DTWD2: variants seen among roughly 807,000 people sequenced by gnomAD.
DTWD2 encodes DTW motif tRNA-uridine aminocarboxypropyltransferase 2.
Under a neutral mutation model 31.8 loss-of-function variants are expected in DTWD2, and 39 were observed. The ratio of observed to expected loss-of-function variants is 1.22; its 90% CI spans 0.95 to 1.60. DTWD2 has a LOEUF of 1.60. DTWD2 is among the 40% of genes most tolerant of loss of function. The pLI, the probability that DTWD2 is intolerant of heterozygous loss-of-function variation, is 0.00. For synonymous variants in DTWD2, 180 were observed against 142.8 expected, an observed-to-expected ratio of 1.26 and a Z score of -1.86; for missense variants, 515 against 381.5, an observed-to-expected ratio of 1.35 and a Z score of -2.92.
chr5:118,885,153 T>TAAA (rs1554064416), intron 4 of DTWD2, among the ~76,000 whole-genome samples: 1 of 132,580 alleles, frequency 7.5e-6, no homozygotes. Context: ...TACAAAAAAT[T>TAAA]AAAAAAAAAA....
intron 2 of DTWD2, among the ~76,000 whole-genome samples, chr5:118,943,220 G>C (rs1462277346): frequency 6.6e-5 from 10 of 152,156 alleles, no homozygotes; most frequent in Admixed American, 5.9e-4. Context: ...TGACCAAATT[G>C]TCATAATCCT....
chr5:118,988,182 C>T, intron 1 of DTWD2, 112 bp downstream of exon 1: 1 of 1,350,302 alleles, frequency 7.4e-7, no homozygotes, highest in Non-Finnish European at 1.0e-6. Flanking sequence ...CCGCCAACTC[C>T]GCCGCCCTAA....
rs993853078 is a variant in DTWD2, at chr5:118,846,530, C to T, written c.726+1560G>A. ...TCAAAATTTGAACTTTCAATGGGTCCTTGTTTGGTCTGATGTTGTCTGATC... is the reference window on the plus strand; with the variant it reads ...TCAAAATTTGAACTTTCAATGGGTCTTTGTTTGGTCTGATGTTGTCTGATC... On this transcript the variant is annotated intron_variant, in intron 5 of 5. Transcript: ENST00000510708. 2.6e-5 allele frequency among the ~76,000 whole-genome samples: 4 copies of T among 152,066 alleles called. No homozygotes were observed. The East Asian group carries it at 7.7e-4, about 29-fold the overall frequency.
intron 1 of DTWD2, among the ~76,000 whole-genome samples, chr5:118,945,675 G>A (rs1754318290): frequency 6.6e-6 from 1 of 151,610 alleles, no homozygotes; most frequent in Non-Finnish European, 1.5e-5. Flanking sequence ...TGAGGTAGGA[G>A]AGTTGCTTGA....
rs1751649166 is a variant in DTWD2 at position 118,839,177 on chromosome 5, TA to T, written c.*1739del. On this transcript the variant is annotated 3_prime_UTR_variant, in exon 6 of 6. Transcript: ENST00000510708. ...ATTCCATCTCAAATAATAATAATAA[TA>T]ATAATAATGACTAAAAGAAACTCAT... 1 of 151,590 alleles carries T rather than the reference TA, an allele frequency of 6.6e-6. No homozygotes were observed. The highest frequency in any genetic ancestry group is 2.4e-5 in the African/African-American group (1 of 41,224). 9.4% of individuals were successfully genotyped at this position (151,590 alleles called of 1,614,324 possible).
chr5:118,837,289 T>C lies in DTWD2; in HGVS notation c.*3628A>G, dbSNP rs774169349. 5.9e-5 allele frequency: 9 copies of C among 152,188 alleles called. No homozygotes were observed. The highest frequency in any genetic ancestry group is 7.2e-5 in the African/African-American group (3 of 41,456). 9.4% of individuals were successfully genotyped at this position (152,188 alleles called of 1,614,324 possible). On this transcript the variant is annotated 3_prime_UTR_variant, in exon 6 of 6. Coordinates refer to ENST00000510708, the MANE Select transcript of DTWD2 (RefSeq NM_173666.4). ...ATTCATTCTACAAAAAGCCTACTTA[T>C]GGGGCAAATTAAATGCAAAGTTTCA...
In DTWD2 at chr5:118,985,490, T is replaced by TATATA. The variant is rs1755403219; in HGVS notation, c.218+2803_218+2804insTATAT. ...AAAGACCACATGCTTATGTGCATTT[T>TATATA]TATATATATATATATATATATATAT... is the stretch of plus-strand genomic sequence containing the variant. On this transcript the variant is annotated intron_variant, in intron 1 of 5. Transcript: ENST00000510708. Among the ~76,000 whole-genome samples the TATATA allele has an allele frequency of 1.9e-3, 179 of 95,414 alleles. 1 individual carries two copies. The highest frequency in any genetic ancestry group is 5.7e-3 in the African/African-American group (167 of 29,238). 62.6% of individuals were successfully genotyped at this position (95,414 alleles called of 152,430 possible).
rs143623730 is a variant in DTWD2 at position 118,855,530 on chromosome 5, C to T, written c.598-7312G>A. Among the ~76,000 whole-genome samples, 261 of 151,860 alleles carry T rather than the reference C, an allele frequency of 1.7e-3. 2 individuals carry two copies. Among genetic ancestry groups the T allele is most frequent in the African/African-American group, 6.1e-3 (254 of 41,404 alleles). On this transcript the variant is annotated intron_variant, in intron 4 of 5. Coordinates refer to ENST00000510708, the MANE Select transcript of DTWD2 (RefSeq NM_173666.4). Reference sequence around the variant, plus strand: ...TTATACCAATAAAGAAAACACTAACCTAAATTTCGACTTATTAAAATACTG... The same window carrying T: ...TTATACCAATAAAGAAAACACTAACTTAAATTTCGACTTATTAAAATACTG...
rs1580422492 is a variant in DTWD2, at chr5:118,938,858, AAAG to A, written c.404+335_404+337del. Among the ~76,000 whole-genome samples the A allele has an allele frequency of 2.0e-5, 3 of 151,574 alleles. No individual in the cohort carries two copies. In the East Asian group the frequency reaches 5.8e-4, roughly 29 times the overall value. On this transcript the variant is annotated intron_variant, in intron 3 of 5. Transcript: ENST00000510708. Reference sequence around the variant, plus strand: ...GAAGATATTTAAGAAAAAAAAAAAAAAAGAACCCTACCATCTACCAACTGAAAG... The same window carrying A: ...GAAGATATTTAAGAAAAAAAAAAAAAAACCCTACCATCTACCAACTGAAAG...
chr5:118,956,319 A>T (rs1440281510), intron 1 of DTWD2, among the ~76,000 whole-genome samples: 3 of 152,238 alleles, frequency 2.0e-5, no homozygotes, highest in Non-Finnish European at 4.4e-5. Context: ...TTACATTCTT[A>T]AAATATAAAT....
chr5:118,986,060 C>A (rs989150698), intron 1 of DTWD2, among the ~76,000 whole-genome samples: 7 of 152,140 alleles, frequency 4.6e-5, no homozygotes, highest in African/African-American at 1.7e-4. Context: ...TGTTGAACAA[C>A]TGAATTTTAC....
chr5:118,963,097 G>A (rs1166155117), intron 1 of DTWD2, among the ~76,000 whole-genome samples: 1 of 152,176 alleles, frequency 6.6e-6, no homozygotes, highest in Non-Finnish European at 1.5e-5. Flanking sequence ...AAATTCCTCA[G>A]TATAAAATGG....
At chr5:118,912,305 T>C (rs191355377) in intron 4 of DTWD2, among the ~76,000 whole-genome samples, 1 of 152,146 alleles carries the variant, frequency 6.6e-6, no homozygotes, top group East Asian at 1.9e-4. Flanking sequence ...GCAAGATCAG[T>C]GTGTTGTTTC....
At chr5:118,985,427 T>C (rs1002208614) in intron 1 of DTWD2, among the ~76,000 whole-genome samples, 7 of 148,156 alleles carry the variant, frequency 4.7e-5, no homozygotes, top group Non-Finnish European at 7.4e-5. Flanking sequence ...CATATACCCA[T>C]CTAAGAAAGA....
intron 1 of DTWD2, among the ~76,000 whole-genome samples, chr5:118,969,210 G>T (rs935110883): frequency 2.0e-5 from 3 of 152,086 alleles, no homozygotes; most frequent in Non-Finnish European, 4.4e-5. Flanking sequence ...GGGGGAAGCG[G>T]TGACTGTATT....
chr5:118,896,781 T>C (rs1255227251), intron 4 of DTWD2, among the ~76,000 whole-genome samples: 1 of 152,206 alleles, frequency 6.6e-6, no homozygotes, highest in African/African-American at 2.4e-5. Context: ...ATTTTTTAAA[T>C]GGCATTTCAG....
At chr5:118,929,502 T>G (rs1753877691) in intron 3 of DTWD2, among the ~76,000 whole-genome samples, 2 of 151,944 alleles carry the variant, frequency 1.3e-5, no homozygotes, top group Non-Finnish European at 2.9e-5. Context: ...TTTTTTTTTT[T>G]GTCCACAAAT....
intron 1 of DTWD2, among the ~76,000 whole-genome samples, chr5:118,966,077 T>C (rs574080322): frequency 6.6e-6 from 1 of 152,106 alleles, no homozygotes; most frequent in African/African-American, 2.4e-5. Flanking sequence ...GAGAAACTCA[T>C]AAAGATATCA....
At chr5:118,948,678 C>T (rs537041331) in intron 1 of DTWD2, among the ~76,000 whole-genome samples, 7 of 152,170 alleles carry the variant, frequency 4.6e-5, no homozygotes, top group South Asian at 2.1e-4. Context: ...GGCACGGTCC[C>T]GGCTCTCGTG....
Sources: allele counts gnomAD v4.1 joint callset (sites outside exome capture counted in the v4.1 genomes callset), GRCh38; gene constraint gnomAD v4.1.1; transcripts MANE v1.5; gene names NCBI Gene and HGNC (gene_info 2026-07-23, HGNC 2026-07-21).